COBL: variants seen among roughly 807,000 people sequenced by gnomAD.
COBL encodes the protein protein cordon-bleu.
In COBL, 51 loss-of-function variants were observed where a neutral mutation model predicts 98.8. The ratio of observed to expected loss-of-function variants is 0.52; its 90% CI spans 0.41 to 0.65. The LOEUF is 0.65. COBL is among the 30% of genes least tolerant of loss of function. The pLI is 0.00. For synonymous variants in COBL, 634 were observed against 651.7 expected (o/e 0.97, Z 0.41); for missense variants, 1,617 against 1,617.5 (o/e 1.00, Z 0.01).
At chr7:51,085,881 A>G (rs188648439) in intron 6 of COBL, among the ~76,000 whole-genome samples, 76 of 152,314 alleles carry the variant, frequency 5.0e-4, no homozygotes, top group Non-Finnish European at 9.1e-4. Flanking sequence ...GTTTCTTAGT[A>G]TATGGGTTAT....
chr7:51,047,220 C>T (rs549739460), intron 7 of COBL, among the ~76,000 whole-genome samples: 19 of 152,290 alleles, frequency 1.2e-4, no homozygotes, highest in East Asian at 3.9e-4. Context: ...CTTTGTCTTT[C>T]GCAGAAGCCT....
At position 51,170,506 on chromosome 7, in the gene COBL, G is replaced by GATATAT. The variant is rs3047166; in HGVS notation, c.783+13590_783+13595dup. Among the ~76,000 whole-genome samples, 171 of 132,046 alleles carry GATATAT rather than the reference G, an allele frequency of 1.3e-3. 1 individual carries two copies. The highest frequency in any genetic ancestry group is 3.9e-3 in the African/African-American group (130 of 33,766). The allele number at this position is 132,046 out of a possible 152,430, so 86.6% of individuals were successfully genotyped here. On this transcript the variant is annotated intron_variant, in intron 5 of 12. Coordinates refer to ENST00000265136, the MANE Select transcript of COBL (RefSeq NM_015198.5). The stretch of plus-strand genomic sequence containing the variant: ...GCTCTGAAACAAAACCTGACACTGT[G>GATATAT]ATATATATATATATATATATATATA...
At chr7:51,264,352 T>C (rs1246275957) in intron 1 of COBL, among the ~76,000 whole-genome samples, 3 of 152,106 alleles carry the variant, frequency 2.0e-5, no homozygotes, top group African/African-American at 7.2e-5. Context: ...ATGTTTTACA[T>C]AATTGCAAAA....
At chr7:51,177,319 A>T (rs1788468238) in intron 5 of COBL, among the ~76,000 whole-genome samples, 1 of 152,196 alleles carries the variant, frequency 6.6e-6, no homozygotes, top group African/African-American at 2.4e-5. Context: ...CTCTGTATCA[A>T]GATACATAAT....
chr7:51,242,584 T>C (rs1795891571), intron 1 of COBL, among the ~76,000 whole-genome samples: 2 of 152,176 alleles, frequency 1.3e-5, no homozygotes, highest in Non-Finnish European at 2.9e-5. Flanking sequence ...GACCCTGCTA[T>C]ACGCCAATTC....
chr7:51,069,256 A>G (rs551440864), intron 7 of COBL, among the ~76,000 whole-genome samples: 37 of 152,326 alleles, frequency 2.4e-4, no homozygotes, highest in African/African-American at 8.7e-4. Flanking sequence ...CAGAGATACA[A>G]ATATGCTTAC....
At position 51,206,491 on chromosome 7, in the gene COBL, C is replaced by CAAAAAAAAAA. The variant is rs1216887855; in HGVS notation, c.246-12912_246-12903dup. 1.7e-3 allele frequency among the ~76,000 whole-genome samples: 174 copies of CAAAAAAAAAA among 101,106 alleles called. 1 individual carries two copies. The highest frequency in any genetic ancestry group is 5.8e-3 in the African/African-American group (150 of 25,650). 66.3% of individuals were successfully genotyped at this position (101,106 alleles called of 152,430 possible). A position where few individuals can be genotyped will look rare whatever the true frequency, so the allele number is the denominator to read the frequency against. ...TGGTTGACAGAGCGAGACTCTGTCT[C>CAAAAAAAAAA]AAAAAAAAAAAAAAAGAAAGAAAAT... On this transcript the variant is annotated intron_variant, in intron 2 of 12. Transcript: ENST00000265136.
At position 51,029,244 on chromosome 7, in the gene COBL, T is replaced by G. The variant is rs1298679730; in HGVS notation, c.1852A>C (p.Ile618Leu). 6.2e-7 allele frequency: 1 copy of G among 1,613,602 alleles called. No homozygotes were observed. Among genetic ancestry groups the G allele is most frequent in the South Asian group, 1.1e-5 (1 of 90,998 alleles). Reference protein sequence around the residue: ...GKGIRVALSNISKDGNLMETA... With the variant: ...GKGIRVALSNLSKDGNLMETA... Reference sequence around the variant, plus strand: ...TCCATTAGATTCCCATCTTTAGAGATGTTAGATAAGGCCACACGGATTCCT... The same window carrying G: ...TCCATTAGATTCCCATCTTTAGAGAGGTTAGATAAGGCCACACGGATTCCT... Residue 618 changes from isoleucine (I) to leucine (L), a missense_variant, in exon 10 of 13, where the codon ATC becomes CTC. Physicochemically the swap from Ile to Leu is conservative, Grantham distance 5. Transcript: ENST00000265136.
chr7:51,209,644 A>G (rs1273748500), intron 2 of COBL, among the ~76,000 whole-genome samples: 2 of 152,092 alleles, frequency 1.3e-5, no homozygotes, highest in Non-Finnish European at 1.5e-5. Context: ...TCCTGACCAC[A>G]TCCTGTGTAT....
At chr7:51,239,774 T>C (rs1227678858) in intron 1 of COBL, among the ~76,000 whole-genome samples, 1 of 152,192 alleles carries the variant, frequency 6.6e-6, no homozygotes, top group East Asian at 1.9e-4. Flanking sequence ...AGTGGCTGGT[T>C]AACGGTCATG....
At chr7:51,109,964 C>T (rs904406834) in intron 6 of COBL, among the ~76,000 whole-genome samples, 1 of 152,076 alleles carries the variant, frequency 6.6e-6, no homozygotes, top group African/African-American at 2.4e-5. Context: ...ACTGCTTGGC[C>T]TCTTCTTTTT....
chr7:51,259,809 C>T (rs1797555883), intron 1 of COBL: 1 of 752,466 alleles, frequency 1.3e-6, no homozygotes. Flanking sequence ...GTGACTTTTA[C>T]AAAGATACCA....
chr7:51,232,492 G>A (rs537461512), intron 1 of COBL, among the ~76,000 whole-genome samples: 6 of 152,144 alleles, frequency 3.9e-5, no homozygotes, highest in Non-Finnish European at 5.9e-5. Flanking sequence ...GATTCAGCCA[G>A]CAGGGGGATT....
At chr7:51,107,101 T>C (rs55971917) in intron 6 of COBL, among the ~76,000 whole-genome samples, 3 of 145,458 alleles carry the variant, frequency 2.1e-5, no homozygotes, top group Non-Finnish European at 3.0e-5. Context: ...TGTTTTTTTT[T>C]TTTTTTTTTT....
At chr7:51,240,771 G>C (rs1183422043) in intron 1 of COBL, among the ~76,000 whole-genome samples, 4 of 152,120 alleles carry the variant, frequency 2.6e-5, no homozygotes, top group African/African-American at 9.7e-5. Flanking sequence ...TTGAACTCCT[G>C]ACCTCAGGTG....
chr7:51,064,750 T>G, intron 7 of COBL: 1 of 168,096 alleles, frequency 5.9e-6, no homozygotes, highest in Non-Finnish European at 1.3e-5. Flanking sequence ...GAATGGGACA[T>G]TTTATATTTT....
intron 1 of COBL, among the ~76,000 whole-genome samples, chr7:51,281,598 A>C (rs1799821728): frequency 6.6e-6 from 1 of 152,160 alleles, no homozygotes; most frequent in Non-Finnish European, 1.5e-5. Context: ...TGACTACAGA[A>C]ACTACAATGG....
intron 1 of COBL, among the ~76,000 whole-genome samples, chr7:51,254,060 C>T (rs1160182614): frequency 7.0e-6 from 1 of 142,832 alleles, no homozygotes; most frequent in Non-Finnish European, 1.6e-5. Context: ...CTCATTCTTC[C>T]TTTTTGAGTT....
At chr7:51,084,093 A>G (rs1324696959) in intron 7 of COBL, among the ~76,000 whole-genome samples, 4 of 152,180 alleles carry the variant, frequency 2.6e-5, no homozygotes, top group Non-Finnish European at 5.9e-5. Flanking sequence ...ATGAGCTGAC[A>G]TGGAATACAG....
Sources: allele counts gnomAD v4.1 joint callset (sites outside exome capture counted in the v4.1 genomes callset), GRCh38; gene constraint gnomAD v4.1.1; transcripts MANE v1.5; gene names NCBI Gene and HGNC (gene_info 2026-07-23, HGNC 2026-07-21).